Variants in SYT1 observed in about 807,000 individuals in gnomAD.
SYT1 encodes synaptotagmin-1.
SYT1 carries 8 observed loss-of-function variants against 44.8 expected under a neutral mutation model. The observed-to-expected ratio is 0.18, with a 90% confidence interval of 0.10 to 0.32. The LOEUF (loss-of-function observed/expected upper bound fraction) is 0.32. SYT1 is among the 10% of genes least tolerant of loss of function. SYT1 has a pLI of 1.00. For synonymous variants in SYT1, 154 were observed against 188.8 expected, an observed-to-expected ratio of 0.82 and a Z score of 1.51; for missense variants, 286 against 509.3, an observed-to-expected ratio of 0.56 and a Z score of 4.22.
intron 9 of SYT1, among the ~76,000 whole-genome samples, chr12:79,368,964 G>A (rs1883673892): frequency 6.6e-6 from 1 of 152,166 alleles, no homozygotes; most frequent in African/African-American, 2.4e-5. Flanking sequence ...TAGACATGAA[G>A]TCCTTGCCCA....
At chr12:79,086,942 A>G (rs1355921806) in intron 3 of SYT1, among the ~76,000 whole-genome samples, 1 of 152,140 alleles carries the variant, frequency 6.6e-6, no homozygotes, top group Non-Finnish European at 1.5e-5. Flanking sequence ...TCCAATCACC[A>G]TTGTAATACT....
At chr12:79,059,345 T>A (rs1875203150) in intron 3 of SYT1, among the ~76,000 whole-genome samples, 1 of 152,132 alleles carries the variant, frequency 6.6e-6, no homozygotes, top group Non-Finnish European at 1.5e-5. Flanking sequence ...CTTCATTTTT[T>A]CTAAAATGTA....
chr12:79,340,777 C>A (rs1882333101), intron 8 of SYT1, among the ~76,000 whole-genome samples: 1 of 152,086 alleles, frequency 6.6e-6, no homozygotes, highest in South Asian at 2.1e-4. Flanking sequence ...CCATAGAGAT[C>A]TAAAGCTTTA....
At chr12:78,867,101 G>A (rs1873585884) in intron 1 of SYT1, among the ~76,000 whole-genome samples, 1 of 151,542 alleles carries the variant, frequency 6.6e-6, no homozygotes, top group Non-Finnish European at 1.5e-5. Context: ...GCTAACTCTG[G>A]TTTTTAGAGG....
At chr12:79,328,894 T>C (rs1881729955) in intron 8 of SYT1, among the ~76,000 whole-genome samples, 1 of 152,106 alleles carries the variant, frequency 6.6e-6, no homozygotes, top group Non-Finnish European at 1.5e-5. Context: ...AACCATGTTT[T>C]TTTCTTTCAA....
intron 1 of SYT1, among the ~76,000 whole-genome samples, chr12:78,968,732 C>T (rs1007446501): frequency 6.6e-6 from 1 of 152,232 alleles, no homozygotes; most frequent in East Asian, 1.9e-4. Context: ...TTAACCCAGA[C>T]TTTAGAGGGA....
chr12:79,260,430 A>G (rs1877766473), intron 4 of SYT1, among the ~76,000 whole-genome samples: 1 of 152,220 alleles, frequency 6.6e-6, no homozygotes, highest in African/African-American at 2.4e-5. Flanking sequence ...TGTAGTAACA[A>G]GTATTTTGAA....
chr12:79,336,957 G>T (rs1048376372), intron 8 of SYT1, among the ~76,000 whole-genome samples: 1 of 151,954 alleles, frequency 6.6e-6, no homozygotes, highest in Non-Finnish European at 1.5e-5. Flanking sequence ...AGTACAGCAT[G>T]AGCCACTGTG....
chr12:79,383,644 G>A (rs999394329), intron 9 of SYT1, among the ~76,000 whole-genome samples: 1 of 152,122 alleles, frequency 6.6e-6, no homozygotes, highest in South Asian at 2.1e-4. Context: ...ACACACAGTG[G>A]AAGATCAGAA....
chr12:78,969,072 G>A (rs192403181), intron 1 of SYT1, among the ~76,000 whole-genome samples: 23 of 152,192 alleles, frequency 1.5e-4, no homozygotes, highest in African/African-American at 5.5e-4. Context: ...ATATTTTTTA[G>A]AATTTGAACA....
intron 1 of SYT1, among the ~76,000 whole-genome samples, chr12:78,915,976 A>G (rs946129913): frequency 1.3e-5 from 2 of 152,044 alleles, no homozygotes; most frequent in African/African-American, 4.8e-5. Flanking sequence ...GTATTTAATT[A>G]TGTTGTGTTG....
At chr12:79,296,328 T>C (rs1879873454) in intron 7 of SYT1, 92 bp downstream of exon 7, 5 of 1,325,852 alleles carry the variant, frequency 3.8e-6, no homozygotes, top group Admixed American at 2.4e-5. Context: ...TGCACATGAA[T>C]GCTTGTTCAG....
At chr12:79,081,886 C>A (rs1356964528) in intron 3 of SYT1, among the ~76,000 whole-genome samples, 1 of 152,126 alleles carries the variant, frequency 6.6e-6, no homozygotes, top group African/African-American at 2.4e-5. Context: ...ACTGCTTTAC[C>A]ATTGAATTCA....
At chr12:79,050,904 G>A (rs973905255) in intron 3 of SYT1, among the ~76,000 whole-genome samples, 1 of 151,904 alleles carries the variant, frequency 6.6e-6, no homozygotes, top group Non-Finnish European at 1.5e-5. Flanking sequence ...TGTAATAGTG[G>A]CATAAAGCTA....
At chr12:79,388,634 C>T (rs1443609487) in intron 9 of SYT1, among the ~76,000 whole-genome samples, 1 of 152,086 alleles carries the variant, frequency 6.6e-6, no homozygotes, top group Non-Finnish European at 1.5e-5. Flanking sequence ...TCACTTGAGC[C>T]AGGGATGTGG....
chr12:79,331,385 T>G (rs1881847673), intron 8 of SYT1, among the ~76,000 whole-genome samples: 1 of 152,220 alleles, frequency 6.6e-6, no homozygotes, highest in South Asian at 2.1e-4. Context: ...GGACTTCAAC[T>G]GCCTAAAGGC....
chr12:79,063,965 G>C (rs1875574215), intron 3 of SYT1, among the ~76,000 whole-genome samples: 1 of 152,146 alleles, frequency 6.6e-6, no homozygotes, highest in African/African-American at 2.4e-5. Context: ...AAAGCACCTA[G>C]GACATGCCTC....
intron 4 of SYT1, among the ~76,000 whole-genome samples, chr12:79,222,749 G>C (rs912074803): frequency 2.0e-5 from 3 of 152,014 alleles, no homozygotes; most frequent in Non-Finnish European, 4.4e-5. Flanking sequence ...TTGATTGTTT[G>C]CTCTGTTGAT....
At chr12:78,886,321 G>A (rs1429024986) in intron 1 of SYT1, among the ~76,000 whole-genome samples, 1 of 151,870 alleles carries the variant, frequency 6.6e-6, no homozygotes, top group East Asian at 1.9e-4. Flanking sequence ...TTCCTGGATT[G>A]GTATTGCTTT....
Sources: gnomAD v4.1 joint callset for allele counts (sites outside exome capture counted in the v4.1 genomes callset) on GRCh38, gnomAD v4.1.1 for gene constraint, MANE v1.5 for transcripts, NCBI Gene and HGNC (gene_info 2026-07-23, HGNC 2026-07-21) for gene names.